CLSTN1: variants seen among roughly 807,000 people sequenced by gnomAD.
The protein encoded by CLSTN1 is calsyntenin-1.
CLSTN1 carries 28 observed loss-of-function variants against 108.3 expected under a neutral mutation model. That is an observed-to-expected ratio of 0.26 (90% CI 0.19 to 0.35). The LOEUF (loss-of-function observed/expected upper bound fraction) is 0.35, where lower values mean the gene tolerates loss of function less well. Ranked by LOEUF, CLSTN1 falls within the 10% of genes least tolerant of loss-of-function variation. CLSTN1 has a pLI of 1.00. For synonymous variants in CLSTN1, 524 were observed against 534.9 expected, an observed-to-expected ratio of 0.98 and a Z score of 0.28; for missense variants, 1,157 against 1,302.6, an observed-to-expected ratio of 0.89 and a Z score of 1.72.
At chr1:9,755,604 C>CA (rs1444284303) in intron 3 of CLSTN1, among the ~76,000 whole-genome samples, 2 of 152,090 alleles carry the variant, frequency 1.3e-5, no homozygotes, top group Non-Finnish European at 2.9e-5. Flanking sequence ...TCCACAGGAG[C>CA]ACTTAGATAG....
chr1:9,764,000 G>T (rs567491074), intron 2 of CLSTN1, among the ~76,000 whole-genome samples: 138 of 152,266 alleles, frequency 9.1e-4, no homozygotes, highest in Middle Eastern at 3.4e-3. Context: ...TGGCTGGAAA[G>T]TTCAAGGTTG....
rs371487658 is a variant in CLSTN1 at position 9,743,866 on chromosome 1, C to T, written c.1356+18G>A. Reference sequence around the variant, plus strand: ...AGCACCTTGCCCGGCCCTATTAGTGCGTTTTCAATTCACTCACCTGATTCA... The same window carrying T: ...AGCACCTTGCCCGGCCCTATTAGTGTGTTTTCAATTCACTCACCTGATTCA... On this transcript the variant is annotated intron_variant, in intron 9 of 18. Transcript: ENST00000377298. The T allele has an allele frequency of 3.8e-5, 62 of 1,613,272 alleles. No homozygotes were observed. The highest frequency in any genetic ancestry group is 4.8e-5 in the Non-Finnish European group (57 of 1,179,598).
intron 1 of CLSTN1, among the ~76,000 whole-genome samples, chr1:9,822,157 G>C (rs1217283849): frequency 1.3e-5 from 2 of 152,058 alleles, no homozygotes; most frequent in Non-Finnish European, 2.9e-5. Flanking sequence ...CAAAACTTTT[G>C]ACATTTCTCT....
Position 9,775,118 on chromosome 1 carries a change from T to C in CLSTN1, c.92-1724A>G, listed in dbSNP as rs910345659. ...TGGTGGGTTTCGGCGGGCTTCTTTA[T>C]GGCAACCTGTTTTATAAGCAAGGTC... On this transcript the variant is annotated intron_variant, in intron 1 of 18. Coordinates refer to ENST00000377298, the MANE Select transcript of CLSTN1 (RefSeq NM_001009566.3). Among the ~76,000 whole-genome samples the C allele has an allele frequency of 1.8e-4, 28 of 152,162 alleles. 1 individual carries two copies. Among genetic ancestry groups the C allele is most frequent in the Non-Finnish European group, 3.7e-4 (25 of 68,034 alleles).
chr1:9,751,165 A>G (rs1423205657), intron 5 of CLSTN1, among the ~76,000 whole-genome samples: 1 of 152,172 alleles, frequency 6.6e-6, no homozygotes, highest in Non-Finnish European at 1.5e-5. Context: ...ATGTGGACTG[A>G]AAGTTAAGAA....
intron 11 of CLSTN1, among the ~76,000 whole-genome samples, chr1:9,737,203 C>CT (rs149857408): frequency 0.022 from 3,308 of 152,240 alleles, 136 homozygotes; most frequent in African/African-American, 0.071. Context: ...CAAACCCTGC[C>CT]TGTAAGACTG....
chr1:9,786,692 G>C (rs1007442173), intron 1 of CLSTN1, among the ~76,000 whole-genome samples: 2 of 143,296 alleles, frequency 1.4e-5, no homozygotes, highest in African/African-American at 5.3e-5. Context: ...AGAGCTGTTT[G>C]CAAGCTCTGC....
At chr1:9,751,396 C>T in intron 5 of CLSTN1, 77 bp downstream of exon 5, 4 of 1,403,918 alleles carry the variant, frequency 2.8e-6, no homozygotes, top group Non-Finnish European at 4.0e-6. Flanking sequence ...TGACGAAGCA[C>T]AGAAGCTGGG....
chr1:9,767,665 C>A (rs1652411049), intron 2 of CLSTN1, among the ~76,000 whole-genome samples: 1 of 152,070 alleles, frequency 6.6e-6, no homozygotes, highest in Admixed American at 6.6e-5. Context: ...CCATCACCAC[C>A]CTCCTCCTCA....
At chr1:9,772,569 G>A (rs1265686228) in intron 2 of CLSTN1, among the ~76,000 whole-genome samples, 1 of 152,168 alleles carries the variant, frequency 6.6e-6, no homozygotes, top group East Asian at 1.9e-4. Flanking sequence ...AAAAGGTGGC[G>A]CAGCCCATTC....
rs1342144802 is a variant in CLSTN1 at position 9,730,281 on chromosome 1, G to A, written c.*227C>T. 3.4e-6 allele frequency: 2 copies of A among 585,414 alleles called. No homozygotes were observed. The highest frequency in any genetic ancestry group is 6.1e-6 in the Non-Finnish European group (2 of 326,884). 36.3% of individuals were successfully genotyped at this position (585,414 alleles called of 1,614,324 possible). On this transcript the variant is annotated 3_prime_UTR_variant, in exon 19 of 19. Transcript: ENST00000377298. This position sits in a 1 kb window ranked among gnomAD's most constrained non-coding sequence, Gnocchi z 5.6. ...AGGCCCCTGTGCGAGCCGGATGGCGGCCAGAGAGGACGTGTCAGCTCCTCG... is the reference window on the plus strand; with the variant it reads ...AGGCCCCTGTGCGAGCCGGATGGCGACCAGAGAGGACGTGTCAGCTCCTCG...
At chr1:9,761,127 C>T (rs1652050684) in intron 2 of CLSTN1, among the ~76,000 whole-genome samples, 1 of 152,100 alleles carries the variant, frequency 6.6e-6, no homozygotes, top group African/African-American at 2.4e-5. Flanking sequence ...GGGCCAAATC[C>T]TTCCCAGTCT....
chr1:9,729,835 C>A lies in CLSTN1; in HGVS notation c.*673G>T, dbSNP rs1003978298. On this transcript the variant is annotated 3_prime_UTR_variant, in exon 19 of 19. Transcript: ENST00000377298. ...CTGTGGCCCCCGACTCCCAGCCATA[C>A]TCAGACCTGAGCAGGGGCTGGGGCG... is the stretch of plus-strand genomic sequence containing the variant. The A allele has an allele frequency of 2.6e-5, 4 of 153,934 alleles. No homozygotes were observed. The highest frequency in any genetic ancestry group is 6.4e-5 in the Admixed American group (1 of 15,596). 9.5% of individuals were successfully genotyped at this position (153,934 alleles called of 1,614,324 possible).
chr1:9,796,768 T>C (rs12083800), intron 1 of CLSTN1, among the ~76,000 whole-genome samples: 1 of 152,176 alleles, frequency 6.6e-6, no homozygotes, highest in Non-Finnish European at 1.5e-5. Context: ...AATAAACCCA[T>C]GGAAACCTGC....
intron 1 of CLSTN1, among the ~76,000 whole-genome samples, chr1:9,820,475 C>T (rs1343460851): frequency 2.6e-5 from 4 of 151,940 alleles, no homozygotes; most frequent in Admixed American, 6.6e-5. Flanking sequence ...GACAAGATCG[C>T]GCCATTGCAC....
chr1:9,746,667 T>C (rs1167390164), intron 7 of CLSTN1, among the ~76,000 whole-genome samples: 1 of 151,270 alleles, frequency 6.6e-6, no homozygotes, highest in African/African-American at 2.4e-5. Flanking sequence ...TGAGCCAAGA[T>C]AGCACGATTG....
Position 9,818,777 on chromosome 1 carries a change from CTTTTTTTTTTT to C in CLSTN1, c.91+4855_91+4865del, listed in dbSNP as rs1156483241. Among the ~76,000 whole-genome samples the C allele has an allele frequency of 1.8e-4, 18 of 98,084 alleles. 2 individuals carry two copies. In the East Asian group the frequency reaches 4.0e-3, roughly 22 times the overall value. 64.3% of individuals were successfully genotyped at this position (98,084 alleles called of 152,430 possible). On this transcript the variant is annotated intron_variant, in intron 1 of 18. Coordinates refer to ENST00000377298, the MANE Select transcript of CLSTN1 (RefSeq NM_001009566.3). ...TAAAGACATATTTCTTCAAGCAACTCTTTTTTTTTTTTTTTTTTTTTTTTTTTGAGACGGAG... is the reference window on the plus strand; with the variant it reads ...TAAAGACATATTTCTTCAAGCAACTCTTTTTTTTTTTTTTTTGAGACGGAG...
chr1:9,795,204 C>A (rs1455084353), intron 1 of CLSTN1, among the ~76,000 whole-genome samples: 1 of 146,818 alleles, frequency 6.8e-6, no homozygotes, highest in Non-Finnish European at 1.5e-5. Context: ...TCGTTCTTGT[C>A]GCCCAGGCTG....
chr1:9,794,873 A>C (rs1653921583), intron 1 of CLSTN1, among the ~76,000 whole-genome samples: 1 of 151,396 alleles, frequency 6.6e-6, no homozygotes, highest in Admixed American at 6.7e-5. Context: ...ATACAATGGA[A>C]AACTTTATCA....
Sources: allele counts gnomAD v4.1 joint callset (sites outside exome capture counted in the v4.1 genomes callset), GRCh38; gene constraint gnomAD v4.1.1; non-coding constraint Gnocchi (gnomAD v3.1); transcripts MANE v1.5; gene names NCBI Gene and HGNC (gene_info 2026-07-23, HGNC 2026-07-21).